The following NRG3 variants were observed in gnomAD, a reference collection of about 807,000 sequenced individuals.
NRG3 encodes pro-neuregulin-3, membrane-bound isoform.
Under a neutral mutation model 66.9 loss-of-function variants are expected in NRG3, and 31 were observed. The ratio of observed to expected loss-of-function variants is 0.46; its 90% CI spans 0.35 to 0.63. NRG3 has a LOEUF of 0.63. NRG3 is among the 20% of genes least tolerant of loss of function. The pLI is 0.00. For synonymous variants in NRG3, 393 were observed against 359.4 expected, an observed-to-expected ratio of 1.09 and a Z score of -1.06; for missense variants, 910 against 878.9, an observed-to-expected ratio of 1.04 and a Z score of -0.45.
At chr10:82,884,506 A>T (rs1282369975) in intron 4 of NRG3, among the ~76,000 whole-genome samples, 1 of 152,062 alleles carries the variant, frequency 6.6e-6, no homozygotes. Flanking sequence ...AAACTAAAGT[A>T]ATTTTTAAAA....
intron 2 of NRG3, among the ~76,000 whole-genome samples, chr10:82,363,788 G>T (rs1301411294): frequency 1.3e-5 from 2 of 151,956 alleles, no homozygotes; most frequent in African/African-American, 4.8e-5. Flanking sequence ...TTATTTGTAG[G>T]GATGCTCACC....
intron 1 of NRG3, among the ~76,000 whole-genome samples, chr10:82,156,308 A>G (rs897671630): frequency 6.0e-4 from 91 of 151,538 alleles, no homozygotes; most frequent in African/African-American, 2.1e-3. Flanking sequence ...GGAATGAGAT[A>G]TACCTGAATT....
At chr10:82,798,178 CAG>C (rs776998563) in intron 3 of NRG3, among the ~76,000 whole-genome samples, 1 of 152,140 alleles carries the variant, frequency 6.6e-6, no homozygotes, top group East Asian at 1.9e-4. Flanking sequence ...ACAAAACCCA[CAG>C]AGTTAGGGGC....
At chr10:82,262,265 G>A (rs2078069536) in intron 1 of NRG3, among the ~76,000 whole-genome samples, 1 of 152,170 alleles carries the variant, frequency 6.6e-6, no homozygotes, top group Admixed American at 6.5e-5. Context: ...TCACAGACAA[G>A]GATTGGTTGG....
chr10:82,846,347 G>T (rs182324178), intron 3 of NRG3, among the ~76,000 whole-genome samples: 1 of 152,182 alleles, frequency 6.6e-6, no homozygotes, highest in East Asian at 1.9e-4. Context: ...GCAATGCTTA[G>T]AGGATATTTA....
chr10:82,013,120 G>A (rs1463185846), intron 1 of NRG3, among the ~76,000 whole-genome samples: 1 of 152,154 alleles, frequency 6.6e-6, no homozygotes, highest in South Asian at 2.1e-4. Flanking sequence ...AAAGGAAATT[G>A]GTTTAATGGA....
At chr10:82,495,811 G>GACACACACACACACACACACACACAC (rs55671097) in intron 2 of NRG3, among the ~76,000 whole-genome samples, 1 of 144,790 alleles carries the variant, frequency 6.9e-6, no homozygotes. Flanking sequence ...TTAGAGTGCA[G>GACACACACACACACACACACACACAC]ACACACACAC....
At chr10:82,741,773 C>T (rs1308582101) in intron 3 of NRG3, among the ~76,000 whole-genome samples, 1 of 152,096 alleles carries the variant, frequency 6.6e-6, no homozygotes, top group Non-Finnish European at 1.5e-5. Context: ...AGGGCGCTTT[C>T]CTCCCTCCCC....
chr10:82,685,581 G>A lies in NRG3; in HGVS notation c.954-52996G>A, dbSNP rs999584375. On this transcript the variant is annotated intron_variant, in intron 2 of 8. Transcript: ENST00000372141. ...ACACTGTACAGTTAGGCTACACTAC[G>A]TTTGTAAAAAAATATTTTTTCTTTA... is the stretch of plus-strand genomic sequence containing the variant. Among the ~76,000 whole-genome samples, 6 of 152,196 alleles carry A rather than the reference G, an allele frequency of 3.9e-5. No homozygotes were observed. The East Asian group carries it at 5.8e-4, about 15-fold the overall frequency.
intron 1 of NRG3, among the ~76,000 whole-genome samples, chr10:82,337,632 C>T (rs555745244): frequency 1.4e-4 from 21 of 152,308 alleles, no homozygotes; most frequent in South Asian, 2.1e-4. Flanking sequence ...TCTCCACATT[C>T]CTGCCAATAC....
At chr10:82,412,743 T>G (rs1419471682) in intron 2 of NRG3, among the ~76,000 whole-genome samples, 1 of 152,210 alleles carries the variant, frequency 6.6e-6, no homozygotes, top group Non-Finnish European at 1.5e-5. Flanking sequence ...CTGCCACTAC[T>G]TTATCAAATA....
chr10:82,695,420 A>G (rs911380371), intron 2 of NRG3, among the ~76,000 whole-genome samples: 11 of 152,168 alleles, frequency 7.2e-5, no homozygotes, highest in African/African-American at 2.7e-4. Flanking sequence ...GAATCGTTAA[A>G]TATAATAGGA....
intron 3 of NRG3, among the ~76,000 whole-genome samples, chr10:82,851,778 C>A (rs2135839214): frequency 6.6e-6 from 1 of 152,120 alleles, no homozygotes; most frequent in Middle Eastern, 3.4e-3. Flanking sequence ...TGATCTGTGC[C>A]AGGAATTGTC....
chr10:81,927,335 G>A (rs766478327), intron 1 of NRG3, among the ~76,000 whole-genome samples: 6 of 151,968 alleles, frequency 3.9e-5, no homozygotes, highest in African/African-American at 9.7e-5. Flanking sequence ...GAGAATGGTC[G>A]TAGTCTAAAT....
At chr10:82,636,036 T>G (rs913050612) in intron 2 of NRG3, among the ~76,000 whole-genome samples, 3 of 152,052 alleles carry the variant, frequency 2.0e-5, no homozygotes, top group African/African-American at 7.2e-5. Context: ...AATGGAAGAT[T>G]GGTTATATGT....
chr10:81,959,763 G>C (rs1850180517), intron 1 of NRG3, among the ~76,000 whole-genome samples: 1 of 151,900 alleles, frequency 6.6e-6, no homozygotes, highest in Admixed American at 6.6e-5. Flanking sequence ...CCAATACTAT[G>C]AATAGTTTCC....
intron 2 of NRG3, among the ~76,000 whole-genome samples, chr10:82,528,245 G>A (rs1846914531): frequency 6.6e-6 from 1 of 152,150 alleles, no homozygotes; most frequent in South Asian, 2.1e-4. Context: ...GAGAGGACAT[G>A]AGGAGGTATA....
chr10:82,097,268 A>G lies in NRG3; in HGVS notation c.823+221105A>G, dbSNP rs535084606. Among the ~76,000 whole-genome samples, 185 of 151,634 alleles carry G rather than the reference A, an allele frequency of 1.2e-3. 1 individual carries two copies. Among genetic ancestry groups the G allele is most frequent in the African/African-American group, 4.3e-3 (180 of 41,414 alleles). On this transcript the variant is annotated intron_variant, in intron 1 of 8. Coordinates refer to ENST00000372141, the MANE Select transcript of NRG3 (RefSeq NM_001010848.4). ...TCCTTTCATTTATTAATATGTCTTC[A>G]TATTTTTGCTCAGTGATATTCAATT...
chr10:82,742,187 T>A (rs1332020743), intron 3 of NRG3, among the ~76,000 whole-genome samples: 1 of 152,160 alleles, frequency 6.6e-6, no homozygotes, highest in East Asian at 1.9e-4. Flanking sequence ...GAGAAACCGC[T>A]GCTCTTTTAT....
Sources: allele counts gnomAD v4.1 joint callset (sites outside exome capture counted in the v4.1 genomes callset), GRCh38; gene constraint gnomAD v4.1.1; transcripts MANE v1.5; gene names NCBI Gene and HGNC (gene_info 2026-07-23, HGNC 2026-07-21).